The following NOTCH1 variants were observed in gnomAD, a reference collection of about 807,000 sequenced individuals.
The protein encoded by NOTCH1 is notch receptor 1.
In NOTCH1, 37 loss-of-function variants were observed where a neutral mutation model predicts 254.8. That is an observed-to-expected ratio of 0.15 (90% confidence interval 0.11 to 0.19). NOTCH1 has a LOEUF of 0.19. Ranked by LOEUF, NOTCH1 falls within the 10% of genes least tolerant of loss-of-function variation. The probability of loss-of-function intolerance (pLI) is 1.00; values close to 1 mark genes in which losing one functional copy is unlikely to be tolerated. For synonymous variants in NOTCH1, 1,731 were observed against 1,618.1 expected (o/e 1.07, Z -1.68); for missense variants, 2,972 against 3,708.6 (o/e 0.80, Z 5.16).
rs753964476 is a variant in NOTCH1, at chr9:136,517,781, A to G, written c.1412T>C (p.Ile471Thr). 3.1e-6 allele frequency: 5 copies of G among 1,612,630 alleles called. No individual in the cohort carries two copies. Among genetic ancestry groups the G allele is most frequent in the South Asian group, 1.1e-5 (1 of 91,074 alleles). Residue 471 changes from isoleucine (I) to threonine (T), a missense_variant, in exon 8 of 34, where the codon ATT becomes ACT. Physicochemically the swap from Ile to Thr is moderately conservative, Grantham distance 89 (BLOSUM62 -1). Transcript: ENST00000651671. ...CATGCAGATGCACTGGAACTCCCCA[A>G]TCTGGTCCAGGCAGGTGGCGTCGTT... ...CQNDATCLDQ[I>T]GEFQCICMPG...
rs1246059704 is a variant in NOTCH1, at chr9:136,497,502, C to T, written c.6237G>A (p.Val2079=). The T allele has an allele frequency of 2.5e-6, 4 of 1,611,718 alleles. No homozygotes were observed. The Admixed American group carries it at 5.0e-5, about 20-fold the overall frequency. Residue 2079 remains valine (V), a synonymous_variant, in exon 34 of 34, where the codon GTG becomes GTA. Coordinates refer to ENST00000651671, the MANE Select transcript of NOTCH1 (RefSeq NM_017617.5). The part of the protein sequence containing the change: ...AREGSYETAK[V]LLDHFANRDI... ...CCCGGTTGGCAAAGTGGTCCAGCAG[C>T]ACCTTGGCGGTCTCGTAGCTGCCCT...
chr9:136,539,601 G>T (rs1843702695), intron 2 of NOTCH1, among the ~76,000 whole-genome samples: 1 of 152,182 alleles, frequency 6.6e-6, no homozygotes, highest in African/African-American at 2.4e-5. Context: ...TGTTGGCCAG[G>T]CTGGTCTTGA....
chr9:136,533,779 C>T (rs1843599598), intron 2 of NOTCH1, among the ~76,000 whole-genome samples: 1 of 152,276 alleles, frequency 6.6e-6, no homozygotes, highest in Admixed American at 6.5e-5. Flanking sequence ...CCAAAAGCTC[C>T]AGCCTCCTAC....
intron 2 of NOTCH1, among the ~76,000 whole-genome samples, chr9:136,536,444 G>T (rs556738082): frequency 1.0e-3 from 156 of 152,308 alleles, no homozygotes; most frequent in African/African-American, 3.7e-3. Context: ...GGGAGAAGCA[G>T]CCTGGAGCCA....
At chr9:136,516,734 G>C (rs912861348) in intron 9 of NOTCH1, among the ~76,000 whole-genome samples, 1 of 152,174 alleles carries the variant, frequency 6.6e-6, no homozygotes, top group Non-Finnish European at 1.5e-5. Context: ...CCAGGCAGAA[G>C]GGGCTGCACC....
intron 2 of NOTCH1, among the ~76,000 whole-genome samples, chr9:136,538,835 A>G (rs578254794): frequency 1.3e-5 from 2 of 152,340 alleles, no homozygotes; most frequent in Admixed American, 6.5e-5. Context: ...TGGAGCTGTC[A>G]TCGCTGCATT....
At chr9:136,521,169 G>C (rs997968099) in intron 4 of NOTCH1, among the ~76,000 whole-genome samples, 3 of 152,176 alleles carry the variant, frequency 2.0e-5, no homozygotes, top group Admixed American at 2.0e-4. Context: ...TCTGAAGCTG[G>C]GGTCTGGCAG....
intron 2 of NOTCH1, among the ~76,000 whole-genome samples, chr9:136,532,391 G>A (rs1317494421): frequency 2.6e-5 from 4 of 152,154 alleles, no homozygotes; most frequent in South Asian, 2.1e-4. Context: ...GCAGGACCTC[G>A]CCCAAATCCC....
At chr9:136,518,319 C>A in intron 6 of NOTCH1, 27 bp from the exon 7 acceptor site, 1 of 1,600,470 alleles carries the variant, frequency 6.2e-7, no homozygotes, top group Non-Finnish European at 8.5e-7. Context: ...GGTCAGTGGG[C>A]ACGGCCCCTG....
chr9:136,534,648 G>T (rs954021577), intron 2 of NOTCH1, among the ~76,000 whole-genome samples: 1 of 152,114 alleles, frequency 6.6e-6, no homozygotes, highest in Admixed American at 6.5e-5. Context: ...CGCTGTGGGG[G>T]TTGGGTCCGG....
Position 136,496,389 on chromosome 9 carries a change from G to A in NOTCH1, c.7350C>T (p.Ser2450=), listed in dbSNP as rs2133315321. The change falls in exon 34 of 34, where the codon AGC becomes AGT. Residue 2450 remains serine (S), a synonymous_variant. Transcript: ENST00000651671. ...QADVQPLGPS[S]LAVHTILPQE... is the part of the protein sequence containing the mutation. Reference sequence around the variant, plus strand: ...GGGGCAGAATAGTGTGCACCGCCAGGCTGCTGGGGCCCAGTGGCTGCACGT... The same window carrying A: ...GGGGCAGAATAGTGTGCACCGCCAGACTGCTGGGGCCCAGTGGCTGCACGT... The A allele has an allele frequency of 6.3e-7, 1 of 1,597,972 alleles. No individual in the cohort carries two copies. The highest frequency in any genetic ancestry group is 8.5e-7 in the Non-Finnish European group (1 of 1,178,272).
At chr9:136,525,423 G>T (rs1388587391) in intron 2 of NOTCH1, among the ~76,000 whole-genome samples, 1 of 152,224 alleles carries the variant, frequency 6.6e-6, no homozygotes, top group Non-Finnish European at 1.5e-5. Context: ...GCCGGGCGCC[G>T]CTCTTCCCAG....
rs1410174290 is a variant in NOTCH1 at position 136,496,807 on chromosome 9, A to G, written c.6932T>C (p.Leu2311Pro). 2 of 1,612,940 alleles carry G rather than the reference A, an allele frequency of 1.2e-6. No individual in the cohort carries two copies. Among genetic ancestry groups the G allele is most frequent in the Non-Finnish European group, 1.7e-6 (2 of 1,180,004 alleles). The change falls in exon 34 of 34, where the codon CTG becomes CCG. Residue 2311 changes from leucine (L) to proline (P), a missense_variant. Coordinates refer to ENST00000651671, the MANE Select transcript of NOTCH1 (RefSeq NM_017617.5). ...CACCATGCCGCTCTGCAGCCGGGAC[A>G]GCCACTCGCATTGACCATTCAAACT... ...STSLNGQCEW[L>P]SRLQSGMVPN...
intron 2 of NOTCH1, among the ~76,000 whole-genome samples, chr9:136,530,588 C>T (rs1589076962): frequency 2.6e-5 from 1 of 38,138 alleles, no homozygotes; most frequent in Non-Finnish European, 4.6e-5. Context: ...CACCAAAGTG[C>T]CCCCGCAGGC....
chr9:136,508,574 C>A (rs1843127034), intron 19 of NOTCH1, among the ~76,000 whole-genome samples, 189 bp from the exon 20 acceptor site: 1 of 152,212 alleles, frequency 6.6e-6, no homozygotes, highest in Non-Finnish European at 1.5e-5. Context: ...TCCCTCAGGG[C>A]CCTCAGCAGG....
rs114408299 is a variant in NOTCH1 at position 136,536,540 on chromosome 9, G to A, written c.140+7484C>T. The stretch of plus-strand genomic sequence containing the variant: ...GGGCTGAGATGCCTGCCCGCCCCAT[G>A]GATGTGTCCAAAGCCTCACTGCCCC... On this transcript the variant is annotated intron_variant, in intron 2 of 33. Coordinates refer to ENST00000651671, the MANE Select transcript of NOTCH1 (RefSeq NM_017617.5). Among the ~76,000 whole-genome samples the A allele has an allele frequency of 4.2e-3, 644 of 152,318 alleles. 6 individuals are homozygous for A. The highest frequency in any genetic ancestry group is 0.014 in the African/African-American group (602 of 41,564).
intron 18 of NOTCH1, 76 bp from the exon 19 acceptor site, chr9:136,509,147 A>G (rs1318169952): frequency 2.3e-5 from 32 of 1,366,410 alleles, no homozygotes; most frequent in Non-Finnish European, 3.0e-5. Flanking sequence ...CTGCCTCGCC[A>G]GCACCTCCCC....
intron 1 of NOTCH1, among the ~76,000 whole-genome samples, chr9:136,544,971 T>A (rs1320900190): frequency 6.6e-6 from 1 of 152,054 alleles, no homozygotes; most frequent in Non-Finnish European, 1.5e-5. Flanking sequence ...CGCCTCCAAC[T>A]CTCGGAGAAA....
chr9:136,507,833 A>C, intron 21 of NOTCH1, 122 bp downstream of exon 21: 4 of 1,054,602 alleles, frequency 3.8e-6, no homozygotes, highest in Non-Finnish European at 5.7e-6. Flanking sequence ...TCCCCTAATG[A>C]GACTGAACAG....
Sources: gnomAD v4.1 joint callset for allele counts (sites outside exome capture counted in the v4.1 genomes callset) on GRCh38, gnomAD v4.1.1 for gene constraint, MANE v1.5 for transcripts, NCBI Gene and HGNC (gene_info 2026-07-23, HGNC 2026-07-21) for gene names.